The following CDC42 variants were observed in gnomAD, a reference collection of about 807,000 sequenced individuals.
CDC42 encodes cell division control protein 42 homolog.
In CDC42, 1 loss-of-function variant was observed where a neutral mutation model predicts 20.8. The observed-to-expected ratio is 0.05, with a 90% CI of 0.02 to 0.23. CDC42 has a LOEUF of 0.23. Among genes scored for constraint, CDC42 ranks in the 10% least tolerant of loss-of-function variants. The probability of loss-of-function intolerance (pLI) is 1.00; values close to 1 mark genes in which losing one functional copy is unlikely to be tolerated. For synonymous variants in CDC42, 72 were observed against 84.8 expected (o/e 0.85, Z 0.83); for missense variants, 49 against 227.9 (o/e 0.21, Z 5.05).
intron 1 of CDC42, among the ~76,000 whole-genome samples, chr1:22,065,093 G>GT (rs1645407671): frequency 6.6e-6 from 1 of 152,224 alleles, no homozygotes; most frequent in Non-Finnish European, 1.5e-5. Context: ...TATTGTCTCT[G>GT]TTTTACAAAG....
At chr1:22,080,508 C>G (rs960282007) in intron 2 of CDC42, among the ~76,000 whole-genome samples, 3 of 152,124 alleles carry the variant, frequency 2.0e-5, no homozygotes, top group Non-Finnish European at 4.4e-5. Flanking sequence ...GAGTAGGTAC[C>G]TAAAAGTTAA....
chr1:22,076,527 C>T (rs1377127037), intron 1 of CDC42, among the ~76,000 whole-genome samples: 3 of 152,128 alleles, frequency 2.0e-5, no homozygotes, highest in African/African-American at 7.2e-5. Context: ...ATAGCCTTGG[C>T]TTAGTTACTT....
At position 22,092,322 on chromosome 1, in the gene CDC42, A is replaced by C. The variant is rs1209555647; in HGVS notation, c.*805A>C. On this transcript the variant is annotated 3_prime_UTR_variant, in exon 6 of 6. Coordinates refer to ENST00000656825, the MANE Select transcript of CDC42 (RefSeq NM_001791.4). ...GATTTTTTTGGGAAGTTAATTTCTA[A>C]CTTCTTTCACTGATAAATGAAGAAA... The C allele has an allele frequency of 1.3e-5, 2 of 152,576 alleles. No individual in the cohort carries two copies. The highest frequency in any genetic ancestry group is 4.8e-5 in the African/African-American group (2 of 41,424). 9.5% of individuals were successfully genotyped at this position (152,576 alleles called of 1,614,324 possible).
At chr1:22,086,208 A>G (rs1645661028) in intron 3 of CDC42, among the ~76,000 whole-genome samples, 1 of 152,244 alleles carries the variant, frequency 6.6e-6, no homozygotes, top group African/African-American at 2.4e-5. Flanking sequence ...ATTGAACACC[A>G]CAAACTGGTA....
intron 1 of CDC42, among the ~76,000 whole-genome samples, chr1:22,061,985 C>G (rs1262655639): frequency 1.3e-5 from 2 of 152,100 alleles, no homozygotes; most frequent in African/African-American, 4.8e-5. Context: ...GTCACCCAGG[C>G]TGGAGTGCAG....
At chr1:22,062,734 A>T (rs1645380043) in intron 1 of CDC42, among the ~76,000 whole-genome samples, 2 of 1,326 alleles carry the variant, frequency 1.5e-3, no homozygotes, top group Non-Finnish European at 2.8e-3. Context: ...TCTATTTAAA[A>T]AAAAAAAAAA....
chr1:22,086,802 C>G lies in CDC42; in HGVS notation c.422C>G (p.Thr141Ser). 6.2e-7 allele frequency: 1 copy of G among 1,614,094 alleles called. No homozygotes were observed. The highest frequency in any genetic ancestry group is 8.5e-7 in the Non-Finnish European group (1 of 1,179,972). The change falls in exon 5 of 6, where the codon ACT (threonine) becomes AGT (serine). Residue 141 changes from threonine (T) to serine (S), a missense_variant. Thr to Ser is a moderately conservative substitution (Grantham distance 58). This residue lies in a region of CDC42 where 38 missense variants were observed against 106.6 expected (regional missense o/e 0.36). Coordinates refer to ENST00000656825, the MANE Select transcript of CDC42 (RefSeq NM_001791.4). Reference sequence around the variant, plus strand: ...AAACAGAAGCCTATCACTCCAGAGACTGCTGAAAAGCTGGCCCGTGACCTG... The same window carrying G: ...AAACAGAAGCCTATCACTCCAGAGAGTGCTGAAAAGCTGGCCCGTGACCTG... The part of the protein sequence containing the change: ...KNKQKPITPE[T>S]AEKLARDLKA...
rs544106411 is a variant in CDC42 at position 22,099,532 on chromosome 1, A to G, written c.*8015A>G. ...TATCTTATGTGGAAATAAAATGTAT[A>G]TGATTAATTACAAAGCTGAAAATCG... is the stretch of plus-strand genomic sequence containing the variant. On this transcript the variant is annotated 3_prime_UTR_variant, in exon 6 of 6. Transcript: ENST00000656825. Among the ~76,000 whole-genome samples, 1 of 152,338 alleles carries G rather than the reference A, an allele frequency of 6.6e-6. No homozygotes were observed. Among genetic ancestry groups the G allele is most frequent in the East Asian group, 1.9e-4 (1 of 5,180 alleles).
intron 1 of CDC42, among the ~76,000 whole-genome samples, chr1:22,055,489 GA>G (rs994493623): frequency 2.1e-5 from 3 of 140,638 alleles, no homozygotes; most frequent in Non-Finnish European, 4.6e-5. Context: ...AAAAATTGGT[GA>G]TTTTTTTTTT....
chr1:22,062,344 A>G (rs1569967050), intron 1 of CDC42, among the ~76,000 whole-genome samples: 2 of 152,358 alleles, frequency 1.3e-5, no homozygotes, highest in Non-Finnish European at 2.9e-5. Context: ...CTAAATAATC[A>G]TAGTTTGTTT....
At position 22,055,560 on chromosome 1, in the gene CDC42, G is replaced by C. The variant is rs553926096; in HGVS notation, c.-51+2818G>C. On this transcript the variant is annotated intron_variant, in intron 1 of 5. Coordinates refer to ENST00000656825, the MANE Select transcript of CDC42 (RefSeq NM_001791.4). Reference sequence around the variant, plus strand: ...GCTAGAGTGCAGTGGTGTGATCACAGCTCACTGCAGCCTCGGCCTCCCAGG... The same window carrying C: ...GCTAGAGTGCAGTGGTGTGATCACACCTCACTGCAGCCTCGGCCTCCCAGG... Among the ~76,000 whole-genome samples, 26 of 150,526 alleles carry C rather than the reference G, an allele frequency of 1.7e-4. 1 individual carries two copies. In the South Asian group the frequency reaches 5.4e-3, roughly 31 times the overall value.
chr1:22,088,735 T>G (rs1645687387), intron 5 of CDC42, among the ~76,000 whole-genome samples: 1 of 152,228 alleles, frequency 6.6e-6, no homozygotes, highest in Non-Finnish European at 1.5e-5. Context: ...CCTCTTTTTT[T>G]CCTTATAAAG....
chr1:22,079,225 G>A (rs1232063804), intron 2 of CDC42, among the ~76,000 whole-genome samples: 1 of 147,792 alleles, frequency 6.8e-6, no homozygotes, highest in Non-Finnish European at 1.5e-5. Flanking sequence ...TGCACCCTCC[G>A]CCTCCCGGGT....
intron 1 of CDC42, among the ~76,000 whole-genome samples, chr1:22,066,556 C>G (rs1025141525): frequency 2.6e-5 from 4 of 152,052 alleles, no homozygotes; most frequent in Non-Finnish European, 5.9e-5. Context: ...TCTGTTTCTA[C>G]TGCCATATGA....
intron 1 of CDC42, among the ~76,000 whole-genome samples, chr1:22,076,217 T>C (rs1441872889): frequency 6.6e-6 from 1 of 152,170 alleles, no homozygotes; most frequent in Admixed American, 6.5e-5. Context: ...CCTAGCACTT[T>C]GAGGGGCCCA....
rs879877363 is a variant in CDC42, at chr1:22,096,889, T to G, written c.*5372T>G. 6.6e-6 allele frequency among the ~76,000 whole-genome samples: 1 copy of G among 152,256 alleles called. No homozygotes were observed. Among genetic ancestry groups the G allele is most frequent in the Non-Finnish European group, 1.5e-5 (1 of 68,042 alleles). On this transcript the variant is annotated 3_prime_UTR_variant, in exon 6 of 6. Transcript: ENST00000656825. Reference sequence around the variant, plus strand: ...TATTTTGTGAGCAAATAGTACTGCCTTGGATGTGGTACCCTTGTGCAGTGC... The same window carrying G: ...TATTTTGTGAGCAAATAGTACTGCCGTGGATGTGGTACCCTTGTGCAGTGC...
At chr1:22,063,100 G>C (rs1224300690) in intron 1 of CDC42, among the ~76,000 whole-genome samples, 1 of 151,420 alleles carries the variant, frequency 6.6e-6, no homozygotes, top group Non-Finnish European at 1.5e-5. Context: ...TGGACTCATA[G>C]TTTTTTTTTG....
intron 5 of CDC42, among the ~76,000 whole-genome samples, chr1:22,090,973 C>T (rs1303100549): frequency 6.6e-6 from 1 of 152,236 alleles, no homozygotes; most frequent in Non-Finnish European, 1.5e-5. Context: ...CCCTCTCTCT[C>T]TCTTTGCCTG....
At position 22,086,420 on chromosome 1, in the gene CDC42, A is replaced by T; in HGVS notation, c.179-19A>T. 1 of 1,534,506 alleles carries T rather than the reference A, an allele frequency of 6.5e-7. No homozygotes were observed. Among genetic ancestry groups the T allele is most frequent in the Non-Finnish European group, 8.9e-7 (1 of 1,121,074 alleles). ...AGATTCAGTTGCTGAATTCTCTCCAATATTTTTCTTTTTTCTAGGGCAAGA... is the reference window on the plus strand; with the variant it reads ...AGATTCAGTTGCTGAATTCTCTCCATTATTTTTCTTTTTTCTAGGGCAAGA... On this transcript the variant is annotated intron_variant, in intron 3 of 5. Coordinates refer to ENST00000656825, the MANE Select transcript of CDC42 (RefSeq NM_001791.4).
Sources: gnomAD v4.1 joint callset for allele counts (sites outside exome capture counted in the v4.1 genomes callset) on GRCh38, gnomAD v4.1.1 for gene constraint, gnomAD v4.1.1 regional missense constraint, MANE v1.5 for transcripts, NCBI Gene and HGNC (gene_info 2026-07-23, HGNC 2026-07-21) for gene names.